TMEM132B: variants seen among roughly 807,000 people sequenced by gnomAD.
TMEM132B encodes transmembrane protein 132B.
TMEM132B carries 18 observed loss-of-function variants against 90.8 expected under a neutral mutation model. That is an observed-to-expected ratio of 0.20 (90% CI 0.14 to 0.29). TMEM132B has a LOEUF of 0.29. Among genes scored for constraint, TMEM132B ranks in the 10% least tolerant of loss-of-function variants. The pLI is 1.00. For missense variants in TMEM132B, 1,096 were observed against 1,326.8 expected (o/e 0.83, Z 2.70); for synonymous variants, 504 against 523.3 (o/e 0.96, Z 0.50).
At chr12:125,329,867 C>A (rs1876710568) in intron 1 of TMEM132B, among the ~76,000 whole-genome samples, 1 of 152,188 alleles carries the variant, frequency 6.6e-6, no homozygotes, top group East Asian at 1.9e-4. Context: ...AGAAAAAGCC[C>A]TTTCATAAAA....
chr12:125,285,945 C>T (rs1875342269), intron 1 of TMEM132B, among the ~76,000 whole-genome samples: 1 of 152,214 alleles, frequency 6.6e-6, no homozygotes, highest in Admixed American at 6.5e-5. Context: ...CCTAGACACC[C>T]TGTGCAAGGG....
intron 3 of TMEM132B, among the ~76,000 whole-genome samples, chr12:125,423,352 G>A (rs1174423199): frequency 6.6e-6 from 1 of 152,178 alleles, no homozygotes; most frequent in Non-Finnish European, 1.5e-5. Context: ...CCCATGTAGG[G>A]AAATGCGTCG....
chr12:125,542,481 A>T (rs1883983334), intron 4 of TMEM132B, among the ~76,000 whole-genome samples: 1 of 152,178 alleles, frequency 6.6e-6, no homozygotes, highest in Non-Finnish European at 1.5e-5. Flanking sequence ...CTGTGTACCC[A>T]TTCAACACTA....
intron 1 of TMEM132B, among the ~76,000 whole-genome samples, chr12:125,272,074 C>T (rs1018212579): frequency 9.2e-5 from 14 of 152,182 alleles, no homozygotes; most frequent in African/African-American, 3.1e-4. Flanking sequence ...CTAACAAGGG[C>T]CATTAGCCAA....
chr12:125,278,643 G>A (rs1004344804), intron 1 of TMEM132B, among the ~76,000 whole-genome samples: 1 of 151,998 alleles, frequency 6.6e-6, no homozygotes, highest in Non-Finnish European at 1.5e-5. Context: ...CGAGTGGGGT[G>A]TTTAACCCAG....
intron 1 of TMEM132B, among the ~76,000 whole-genome samples, chr12:125,257,145 C>G (rs930557321): frequency 1.3e-5 from 2 of 152,072 alleles, no homozygotes. Context: ...GACTCCAACT[C>G]TCAGAAACAA....
chr12:125,306,532 C>G (rs1206846454), intron 1 of TMEM132B, among the ~76,000 whole-genome samples: 1 of 152,208 alleles, frequency 6.6e-6, no homozygotes, highest in East Asian at 1.9e-4. Context: ...ATCCTTCTAG[C>G]TTCTCAGGCT....
chr12:125,346,660 G>C (rs150748148), intron 1 of TMEM132B, among the ~76,000 whole-genome samples: 1 of 152,328 alleles, frequency 6.6e-6, no homozygotes, highest in Non-Finnish European at 1.5e-5. Context: ...GGTGGCGGCA[G>C]CAGCTAAAAC....
intron 1 of TMEM132B, among the ~76,000 whole-genome samples, chr12:125,218,790 T>TTA (rs397957730): frequency 3.3e-5 from 5 of 150,018 alleles, no homozygotes; most frequent in East Asian, 1.9e-4. Flanking sequence ...TTTTTTTTTT[T>TTA]ATTGGAATTA....
chr12:125,343,514 G>A (rs1877260238), intron 1 of TMEM132B, among the ~76,000 whole-genome samples: 2 of 152,188 alleles, frequency 1.3e-5, no homozygotes, highest in Admixed American at 6.5e-5. Context: ...TTGTAGAACT[G>A]CCAGGCCAGG....
chr12:125,454,375 CGT>C (rs549820136), intron 3 of TMEM132B, among the ~76,000 whole-genome samples: 12 of 119,934 alleles, frequency 1.0e-4, no homozygotes, highest in African/African-American at 4.0e-4. Flanking sequence ...TACAGCCAGC[CGT>C]GTGTGTGTGT....
chr12:125,541,184 T>C (rs2136727029), intron 4 of TMEM132B, among the ~76,000 whole-genome samples: 1 of 152,360 alleles, frequency 6.6e-6, no homozygotes, highest in South Asian at 2.1e-4. Context: ...TTTTTCTTCA[T>C]AATAATCATT....
At chr12:125,633,856 T>G (rs1294916310) in intron 5 of TMEM132B, among the ~76,000 whole-genome samples, 3 of 152,236 alleles carry the variant, frequency 2.0e-5, no homozygotes, top group African/African-American at 7.2e-5. Flanking sequence ...ACTCCCACTA[T>G]GACTGTGCTG....
intron 2 of TMEM132B, among the ~76,000 whole-genome samples, chr12:125,397,784 C>T (rs1879209442): frequency 6.6e-6 from 1 of 152,188 alleles, no homozygotes. Context: ...TTGTTAGGAA[C>T]CAATGCTTGG....
At chr12:125,528,807 A>T (rs905522266) in intron 4 of TMEM132B, among the ~76,000 whole-genome samples, 3 of 152,204 alleles carry the variant, frequency 2.0e-5, no homozygotes, top group African/African-American at 7.2e-5. Context: ...TATATGTGCT[A>T]TATATCAGCA....
chr12:125,328,007 C>T (rs12814993), intron 1 of TMEM132B, among the ~76,000 whole-genome samples: 6,166 of 152,318 alleles, frequency 0.04, 300 homozygotes, highest in Admixed American at 0.15. Flanking sequence ...CTACAAGGAC[C>T]GTCTTTGGCC....
chr12:125,485,902 T>C (rs1371214392), intron 3 of TMEM132B, among the ~76,000 whole-genome samples: 1 of 152,202 alleles, frequency 6.6e-6, no homozygotes, highest in East Asian at 1.9e-4. Flanking sequence ...GATGTCTTTT[T>C]CTTTTTATTC....
At chr12:125,640,722 C>G (rs10773183) in intron 5 of TMEM132B, among the ~76,000 whole-genome samples, 56,027 of 151,832 alleles carry the variant, frequency 0.37, 11,006 homozygotes, top group African/African-American at 0.48. Flanking sequence ...GTCCCTTTCT[C>G]TATGCTGGAT....
intron 3 of TMEM132B, among the ~76,000 whole-genome samples, chr12:125,506,496 G>A (rs1207471058): frequency 1.3e-5 from 2 of 152,086 alleles, no homozygotes; most frequent in Non-Finnish European, 2.9e-5. Context: ...TCTTAAAATA[G>A]TGGATTTTAT....
Sources: allele counts gnomAD v4.1 joint callset (sites outside exome capture counted in the v4.1 genomes callset), GRCh38; gene constraint gnomAD v4.1.1; transcripts MANE v1.5; gene names NCBI Gene and HGNC (gene_info 2026-07-23, HGNC 2026-07-21).